The following AP3B1 variants were observed in gnomAD, a reference collection of about 807,000 sequenced individuals.
AP3B1 encodes AP-3 complex subunit beta-1.
AP3B1 carries 61 observed loss-of-function variants against 132.5 expected under a neutral mutation model. That is an observed-to-expected ratio of 0.46 (90% confidence interval 0.37 to 0.57). The LOEUF is 0.57. Among genes scored for constraint, AP3B1 ranks in the 20% least tolerant of loss-of-function variants. The pLI is 0.00. For synonymous variants in AP3B1, 388 were observed against 438.3 expected (o/e 0.89, Z 1.43); for missense variants, 1,120 against 1,289.4 (o/e 0.87, Z 2.01).
chr5:78,138,268 C>A (rs1481215673), intron 15 of AP3B1, among the ~76,000 whole-genome samples: 1 of 151,692 alleles, frequency 6.6e-6, no homozygotes, highest in East Asian at 1.9e-4. Flanking sequence ...GAGTTCAAGA[C>A]CAGCCTGGCC....
At chr5:78,107,937 TA>T (rs1751408473) in intron 20 of AP3B1, among the ~76,000 whole-genome samples, 1 of 152,262 alleles carries the variant, frequency 6.6e-6, no homozygotes, top group Admixed American at 6.5e-5. Flanking sequence ...ATTTTATTTT[TA>T]ACATAACACT....
At chr5:78,221,911 TA>T (rs1315229163) in intron 6 of AP3B1, among the ~76,000 whole-genome samples, 1 of 152,128 alleles carries the variant, frequency 6.6e-6, no homozygotes, top group Non-Finnish European at 1.5e-5. Flanking sequence ...ATTTCAAAGA[TA>T]AAATCTTCAG....
chr5:78,052,863 T>C (rs1748642348), intron 22 of AP3B1, among the ~76,000 whole-genome samples: 3 of 152,336 alleles, frequency 2.0e-5, no homozygotes, highest in African/African-American at 7.2e-5. Flanking sequence ...TACTGATATG[T>C]TATACTATTC....
intron 26 of AP3B1, among the ~76,000 whole-genome samples, chr5:78,008,500 CTG>C (rs1247437893): frequency 6.6e-6 from 1 of 152,126 alleles, no homozygotes; most frequent in African/African-American, 2.4e-5. Context: ...TGTCAATGAA[CTG>C]ATGCTCAGGG....
chr5:78,161,579 T>C (rs1210244133), intron 13 of AP3B1, among the ~76,000 whole-genome samples: 2 of 151,998 alleles, frequency 1.3e-5, no homozygotes, highest in Admixed American at 1.3e-4. Context: ...TTAGTTATTA[T>C]TAAAAGTAGA....
rs191793450 is a variant in AP3B1 at position 78,119,353 on chromosome 5, G to A, written c.1969-3119C>T. Among the ~76,000 whole-genome samples the A allele has an allele frequency of 1.0e-3, 156 of 152,296 alleles. 1 individual carries two copies. The highest frequency in any genetic ancestry group is 2.6e-4 in the Non-Finnish European group (18 of 68,024). ...AAGCTGGACGGAGAATGACGTTGACGAGCTGAGAGAAGAAGGCTTCAGATG... is the reference window on the plus strand; with the variant it reads ...AAGCTGGACGGAGAATGACGTTGACAAGCTGAGAGAAGAAGGCTTCAGATG... On this transcript the variant is annotated intron_variant, in intron 17 of 26. Coordinates refer to ENST00000255194, the MANE Select transcript of AP3B1 (RefSeq NM_003664.5).
At chr5:78,073,494 A>G (rs983940386) in intron 22 of AP3B1, among the ~76,000 whole-genome samples, 4 of 152,200 alleles carry the variant, frequency 2.6e-5, no homozygotes, top group African/African-American at 7.2e-5. Flanking sequence ...AAATATAGCA[A>G]TTCATAGTCA....
rs553221618 is a variant in AP3B1 at position 78,119,757 on chromosome 5, A to G, written c.1969-3523T>C. On this transcript the variant is annotated intron_variant, in intron 17 of 26. Coordinates refer to ENST00000255194, the MANE Select transcript of AP3B1 (RefSeq NM_003664.5). ...ACGGGTAGAATGGAACCAAGTGGGA[A>G]AACACTCTGCAGGATATTATCCAGG... Among the ~76,000 whole-genome samples the G allele has an allele frequency of 5.3e-5, 8 of 152,348 alleles. No individual in the cohort carries two copies. In the South Asian group the frequency reaches 1.7e-3, roughly 32 times the overall value.
At position 78,024,011 on chromosome 5, in the gene AP3B1, G is replaced by C. The variant is rs1218220477; in HGVS notation, c.2895-3222C>G. 3.3e-5 allele frequency among the ~76,000 whole-genome samples: 5 copies of C among 152,162 alleles called. No homozygotes were observed. In the East Asian group the frequency reaches 9.6e-4, roughly 29 times the overall value. ...TCTTAGGAGAGGTAAAAGAGGTTGG[G>C]ATGAAGAGCACAAGAATGAGGTGAG... On this transcript the variant is annotated intron_variant, in intron 24 of 26. Transcript: ENST00000255194.
chr5:78,230,538 A>C (rs1041408957), intron 3 of AP3B1, among the ~76,000 whole-genome samples: 1 of 152,190 alleles, frequency 6.6e-6, no homozygotes, highest in Non-Finnish European at 1.5e-5. Flanking sequence ...CCTAGTACTC[A>C]ATACAGTTTA....
At chr5:78,035,955 C>T (rs1205636441) in intron 23 of AP3B1, among the ~76,000 whole-genome samples, 1 of 152,066 alleles carries the variant, frequency 6.6e-6, no homozygotes, top group African/African-American at 2.4e-5. Context: ...TTCTTAATGC[C>T]TTCTGTGCCA....
At chr5:78,261,085 T>A (rs958506957) in intron 2 of AP3B1, among the ~76,000 whole-genome samples, 1 of 152,348 alleles carries the variant, frequency 6.6e-6, no homozygotes, top group East Asian at 1.9e-4. Context: ...TGTAGAAATA[T>A]CTGTTCAAGT....
chr5:78,283,204 T>G (rs530003461), intron 1 of AP3B1, among the ~76,000 whole-genome samples: 1 of 151,908 alleles, frequency 6.6e-6, no homozygotes, highest in African/African-American at 2.4e-5. Flanking sequence ...GGGCAGAGAG[T>G]TGTAAAATAA....
chr5:78,037,491 C>T (rs1437988494), intron 23 of AP3B1, among the ~76,000 whole-genome samples: 1 of 152,178 alleles, frequency 6.6e-6, no homozygotes, highest in Non-Finnish European at 1.5e-5. Context: ...TTTAACTCCA[C>T]TTTCTTTGCT....
chr5:78,055,929 G>T (rs565339139), intron 22 of AP3B1, among the ~76,000 whole-genome samples: 10 of 152,202 alleles, frequency 6.6e-5, no homozygotes, highest in Admixed American at 1.3e-4. Context: ...TAAGGCAAAG[G>T]AATCTAAGGG....
At chr5:78,158,763 C>T (rs1743265183) in intron 13 of AP3B1, among the ~76,000 whole-genome samples, 1 of 151,166 alleles carries the variant, frequency 6.6e-6, no homozygotes, top group Admixed American at 6.6e-5. Flanking sequence ...GTGGCGCAAT[C>T]TCGGCTCACT....
intron 22 of AP3B1, among the ~76,000 whole-genome samples, chr5:78,071,057 G>A (rs1267085087): frequency 7.2e-5 from 11 of 152,102 alleles, no homozygotes; most frequent in African/African-American, 2.4e-4. Context: ...CCCATTACTG[G>A]GTATATACCC....
intron 7 of AP3B1, among the ~76,000 whole-genome samples, chr5:78,193,732 G>GTGTGTGTGTGTATATC (rs1340871803): frequency 1.1e-5 from 1 of 89,254 alleles, no homozygotes; most frequent in African/African-American, 4.0e-5. Flanking sequence ...TTAAATATTT[G>GTGTGTGTGTGTATATC]TATATATTTT....
chr5:78,003,300 T>C (rs1001053153), intron 26 of AP3B1, among the ~76,000 whole-genome samples: 1 of 152,242 alleles, frequency 6.6e-6, no homozygotes, highest in African/African-American at 2.4e-5. Context: ...GAAGTCTATT[T>C]TACTTATTAG....
Sources: allele counts gnomAD v4.1 joint callset (sites outside exome capture counted in the v4.1 genomes callset), GRCh38; gene constraint gnomAD v4.1.1; transcripts MANE v1.5; gene names NCBI Gene and HGNC (gene_info 2026-07-23, HGNC 2026-07-21).